Variants in STK3 observed in about 807,000 individuals in gnomAD.
STK3 encodes the protein serine/threonine kinase 3, also known as serine/threonine-protein kinase 3.
A neutral mutation model predicts 58.0 loss-of-function variants in STK3; 41 were observed. The ratio of observed to expected loss-of-function variants is 0.71; its 90% confidence interval spans 0.55 to 0.92. The LOEUF is 0.92. Among genes scored for constraint, STK3 ranks in the 40% least tolerant of loss-of-function variants. The pLI is 0.00. For synonymous variants in STK3, 170 were observed against 191.0 expected, an observed-to-expected ratio of 0.89 and a Z score of 0.91; for missense variants, 479 against 602.7, an observed-to-expected ratio of 0.79 and a Z score of 2.15.
intron 3 of STK3, among the ~76,000 whole-genome samples, chr8:98,396,181 G>T (rs537488868): frequency 1.3e-5 from 2 of 152,176 alleles, no homozygotes; most frequent in African/African-American, 2.4e-5. Flanking sequence ...TAAAGACAAG[G>T]ATTATAAAAT....
intron 3 of STK3, among the ~76,000 whole-genome samples, chr8:98,759,557 G>A (rs1830496772): frequency 6.6e-6 from 1 of 151,958 alleles, no homozygotes; most frequent in African/African-American, 2.4e-5. Flanking sequence ...ACATGACATA[G>A]AGACATGAAG....
chr8:98,788,731 T>C (rs995073767), intron 1 of STK3, among the ~76,000 whole-genome samples: 5 of 152,082 alleles, frequency 3.3e-5, no homozygotes, highest in African/African-American at 4.8e-5. Flanking sequence ...ATCCTAAATA[T>C]ATATGCACCT....
intron 6 of STK3, among the ~76,000 whole-genome samples, chr8:98,691,439 C>G (rs1158022167): frequency 6.6e-6 from 1 of 152,026 alleles, no homozygotes; most frequent in Non-Finnish European, 1.5e-5. Flanking sequence ...AAAGATCTCT[C>G]AATATAGTGA....
chr8:98,397,134 T>G (rs897349900), downstream of STK3, among the ~76,000 whole-genome samples: 2 of 152,200 alleles, frequency 1.3e-5, no homozygotes, highest in South Asian at 2.1e-4. Context: ...CACAGTAGTG[T>G]TCTGAGTTTT....
intron 1 of STK3, among the ~76,000 whole-genome samples, chr8:98,903,313 G>A (rs1398899877): frequency 1.3e-5 from 2 of 152,096 alleles, no homozygotes; most frequent in African/African-American, 4.8e-5. Flanking sequence ...AAACAATTGA[G>A]TTTTTATGGG....
chr8:98,929,898 T>C (rs927038321), intron 1 of STK3, among the ~76,000 whole-genome samples: 1 of 152,260 alleles, frequency 6.6e-6, no homozygotes. Flanking sequence ...AGAAATCAAA[T>C]AGGGGTGAGG....
chr8:98,830,861 T>C (rs1045189205), intron 3 of STK3, among the ~76,000 whole-genome samples: 2 of 150,144 alleles, frequency 1.3e-5, no homozygotes, highest in African/African-American at 4.9e-5. Context: ...TCCCAGCTAC[T>C]CGGGAGGCTG....
At chr8:98,788,874 G>A (rs1832637041) in intron 1 of STK3, among the ~76,000 whole-genome samples, 1 of 152,128 alleles carries the variant, frequency 6.6e-6, no homozygotes, top group Admixed American at 6.6e-5. Flanking sequence ...AGTCAACAAA[G>A]AAACAATGGA....
rs186198339 is a variant in STK3 at position 98,502,432 on chromosome 8, C to A, written c.1317+24310G>T. On this transcript the variant is annotated intron_variant, in intron 10 of 10. Coordinates refer to ENST00000419617, the MANE Select transcript of STK3 (RefSeq NM_006281.4). ...TGCCTGATTGCCCTGACCAGAACTTCCAACACTATGTTGAATAGGAGTGGT... is the reference window on the plus strand; with the variant it reads ...TGCCTGATTGCCCTGACCAGAACTTACAACACTATGTTGAATAGGAGTGGT... Among the ~76,000 whole-genome samples, 984 of 152,244 alleles carry A rather than the reference C, an allele frequency of 6.5e-3. 6 individuals carry two copies. The highest frequency in any genetic ancestry group is 0.022 in the African/African-American group (921 of 41,552).
chr8:98,478,503 A>T (rs1395653458), intron 10 of STK3, among the ~76,000 whole-genome samples: 1 of 152,204 alleles, frequency 6.6e-6, no homozygotes, highest in Non-Finnish European at 1.5e-5. Context: ...TGGAGTTCTC[A>T]CTGAGGAAGC....
chr8:98,460,145 G>C (rs970947314), intron 10 of STK3, among the ~76,000 whole-genome samples: 1 of 152,206 alleles, frequency 6.6e-6, no homozygotes, highest in Non-Finnish European at 1.5e-5. Flanking sequence ...AAGCCACAGG[G>C]GTAGTGCTAC....
chr8:98,654,175 C>A (rs1040783983), intron 6 of STK3, among the ~76,000 whole-genome samples: 1 of 152,120 alleles, frequency 6.6e-6, no homozygotes, highest in African/African-American at 2.4e-5. Context: ...AAGGCTGGTT[C>A]GATATACAGA....
intron 3 of STK3, chr8:98,429,019 C>A: frequency 6.2e-7 from 1 of 1,613,878 alleles, no homozygotes; most frequent in Non-Finnish European, 8.5e-7. Context: ...TCCGTGGTGG[C>A]CTACACCATT....
chr8:98,703,974 T>C (rs1163452499), intron 6 of STK3, among the ~76,000 whole-genome samples: 2 of 152,228 alleles, frequency 1.3e-5, no homozygotes, highest in Admixed American at 6.5e-5. Context: ...CACTTGAATA[T>C]GTATTTTTAA....
chr8:98,913,900 C>T (rs999231369), intron 1 of STK3, among the ~76,000 whole-genome samples: 1 of 152,186 alleles, frequency 6.6e-6, no homozygotes, highest in East Asian at 1.9e-4. Flanking sequence ...CCTCTATTTT[C>T]TCATCGCAAA....
intron 1 of STK3, among the ~76,000 whole-genome samples, chr8:98,937,359 T>C (rs771781015): frequency 2.6e-5 from 4 of 152,360 alleles, no homozygotes; most frequent in Non-Finnish European, 4.4e-5. Flanking sequence ...TGTCTTCCAG[T>C]TGGAAAGCCA....
intron 2 of STK3, among the ~76,000 whole-genome samples, chr8:98,434,843 T>A (rs1818428785): frequency 6.6e-6 from 1 of 151,474 alleles, no homozygotes; most frequent in Non-Finnish European, 1.5e-5. Flanking sequence ...ATAGAGTGAA[T>A]AAAGGAAAGG....
intron 3 of STK3, among the ~76,000 whole-genome samples, chr8:98,423,935 G>A (rs899839660): frequency 1.2e-4 from 18 of 152,122 alleles, no homozygotes; most frequent in Admixed American, 5.2e-4. Context: ...CTGCACACCT[G>A]TACCCCCTCA....
Position 98,815,493 on chromosome 8 carries a change from G to C in STK3, c.26+10022C>G, listed in dbSNP as rs1834488006. Reference sequence around the variant, plus strand: ...CAGATCTAGGACAAGAAGTATACAAGATGGGCCCCAAATATCACAGCAGAC... The same window carrying C: ...CAGATCTAGGACAAGAAGTATACAACATGGGCCCCAAATATCACAGCAGAC... On this transcript the variant is annotated intron_variant, in intron 1 of 10. Transcript: ENST00000419617. Among the ~76,000 whole-genome samples the C allele has an allele frequency of 2.0e-5, 3 of 152,160 alleles. No homozygotes were observed. The South Asian group carries it at 6.2e-4, about 32-fold the overall frequency.
Sources: allele counts gnomAD v4.1 joint callset (sites outside exome capture counted in the v4.1 genomes callset), GRCh38; gene constraint gnomAD v4.1.1; transcripts MANE v1.5; gene names NCBI Gene and HGNC (gene_info 2026-07-23, HGNC 2026-07-21).